GRM3: variants seen among roughly 807,000 people sequenced by gnomAD.
GRM3 encodes glutamate metabotropic receptor 3, also known as metabotropic glutamate receptor 3.
Under a neutral mutation model 70.5 loss-of-function variants are expected in GRM3, and 26 were observed. The ratio of observed to expected loss-of-function variants is 0.37; its 90% confidence interval spans 0.27 to 0.51. The LOEUF is 0.51. Ranked by LOEUF, GRM3 falls within the 20% of genes least tolerant of loss-of-function variation. GRM3 has a pLI of 0.93. For synonymous variants in GRM3, 443 were observed against 434.9 expected (o/e 1.02, Z -0.23); for missense variants, 859 against 1,123.8 (o/e 0.76, Z 3.37).
intron 1 of GRM3, among the ~76,000 whole-genome samples, chr7:86,686,114 G>A (rs1794560674): frequency 6.6e-6 from 1 of 151,960 alleles, no homozygotes; most frequent in Admixed American, 6.6e-5. Context: ...TTAAACCCCT[G>A]GACAAAATAT....
At chr7:86,660,112 A>G (rs1207047101) in intron 1 of GRM3, among the ~76,000 whole-genome samples, 1 of 152,030 alleles carries the variant, frequency 6.6e-6, no homozygotes, top group Non-Finnish European at 1.5e-5. Context: ...TATGTTTACA[A>G]GTTAGAAAGA....
chr7:86,772,571 C>A (rs1796773756), intron 2 of GRM3, among the ~76,000 whole-genome samples: 1 of 152,080 alleles, frequency 6.6e-6, no homozygotes, highest in Admixed American at 6.6e-5. Context: ...AGGCTCAACA[C>A]AACTAGACAG....
intron 5 of GRM3, among the ~76,000 whole-genome samples, chr7:86,858,836 T>C (rs1442393336): frequency 1.3e-5 from 2 of 152,190 alleles, no homozygotes; most frequent in Non-Finnish European, 2.9e-5. Flanking sequence ...GGAAACTAAA[T>C]CTTGGATTTG....
intron 3 of GRM3, among the ~76,000 whole-genome samples, chr7:86,790,950 CA>C (rs1797398531): frequency 6.6e-6 from 1 of 152,034 alleles, no homozygotes; most frequent in Non-Finnish European, 1.5e-5. Context: ...CCCCTTCTGT[CA>C]TACTACATCA....
intron 3 of GRM3, among the ~76,000 whole-genome samples, chr7:86,802,770 T>C (rs75073887): frequency 0.054 from 8,179 of 152,272 alleles, 700 homozygotes; most frequent in African/African-American, 0.18. Flanking sequence ...GAAACCCTTC[T>C]AGGTTTCCAT....
At chr7:86,707,864 A>G (rs1274561496) in intron 1 of GRM3, among the ~76,000 whole-genome samples, 1 of 152,154 alleles carries the variant, frequency 6.6e-6, no homozygotes, top group Non-Finnish European at 1.5e-5. Flanking sequence ...ACGATTATAT[A>G]ATATTTACCA....
chr7:86,700,872 C>T (rs934006524), intron 1 of GRM3, among the ~76,000 whole-genome samples: 4 of 151,858 alleles, frequency 2.6e-5, no homozygotes, highest in South Asian at 2.1e-4. Flanking sequence ...ATTCAACTTA[C>T]GTTAATAGCA....
At chr7:86,704,055 A>G (rs1377184052) in intron 1 of GRM3, among the ~76,000 whole-genome samples, 1 of 151,914 alleles carries the variant, frequency 6.6e-6, no homozygotes, top group Non-Finnish European at 1.5e-5. Context: ...ACCTCAGGTG[A>G]TGATTGAAGT....
intron 3 of GRM3, among the ~76,000 whole-genome samples, chr7:86,822,995 A>G (rs914347991): frequency 2.0e-5 from 3 of 152,296 alleles, no homozygotes; most frequent in African/African-American, 7.2e-5. Context: ...ACTAAATGCA[A>G]CAGGAGAGCC....
intron 2 of GRM3, among the ~76,000 whole-genome samples, chr7:86,767,203 A>G (rs1352461857): frequency 6.6e-6 from 1 of 151,764 alleles, no homozygotes; most frequent in Non-Finnish European, 1.5e-5. Flanking sequence ...ACTGAGCAAG[A>G]CTTCATCTCA....
At chr7:86,649,146 T>C (rs569334935) in intron 1 of GRM3, among the ~76,000 whole-genome samples, 1 of 152,300 alleles carries the variant, frequency 6.6e-6, no homozygotes, top group Admixed American at 6.5e-5. Flanking sequence ...AAATAATTTT[T>C]AAACAAGTAC....
At chr7:86,748,152 C>G (rs1422262818) in intron 1 of GRM3, among the ~76,000 whole-genome samples, 1 of 151,958 alleles carries the variant, frequency 6.6e-6, no homozygotes, top group Admixed American at 6.6e-5. Flanking sequence ...TAATCTTTCA[C>G]CTTTTCACCA....
At chr7:86,680,907 T>A (rs1794426714) in intron 1 of GRM3, among the ~76,000 whole-genome samples, 1 of 152,172 alleles carries the variant, frequency 6.6e-6, no homozygotes, top group Admixed American at 6.6e-5. Context: ...ACCATTCCCC[T>A]TGGCAGCCCA....
rs1212257419 is a variant in GRM3, at chr7:86,644,085, C to A, written c.-928C>A. 1 of 154,598 alleles carries A rather than the reference C, an allele frequency of 6.5e-6. No homozygotes were observed. Among genetic ancestry groups the A allele is most frequent in the African/African-American group, 2.4e-5 (1 of 41,444 alleles). The allele number at this position is 154,598 out of a possible 1,614,324, so 9.6% of individuals were successfully genotyped here. A position where few individuals can be genotyped will look rare whatever the true frequency, so the allele number is the denominator to read the frequency against. ...AGTCCCTGCTTACCTGAAAGCCAAGCGCTCTAGCAGAGCTTTAAAGTTGGA... is the reference window on the plus strand; with the variant it reads ...AGTCCCTGCTTACCTGAAAGCCAAGAGCTCTAGCAGAGCTTTAAAGTTGGA... On this transcript the variant is annotated 5_prime_UTR_variant, in exon 1 of 6. Transcript: ENST00000361669.
intron 1 of GRM3, among the ~76,000 whole-genome samples, chr7:86,650,842 C>T (rs1244948983): frequency 2.0e-5 from 3 of 152,160 alleles, no homozygotes; most frequent in South Asian, 2.1e-4. Context: ...TACAACCTAC[C>T]TACTTCCCAC....
intron 2 of GRM3, chr7:86,775,148 T>G (rs1196784877): frequency 1.3e-5 from 2 of 152,222 alleles, no homozygotes; most frequent in East Asian, 1.9e-4. Context: ...TAAATAAAGT[T>G]TTTGTGTTAT....
intron 1 of GRM3, among the ~76,000 whole-genome samples, chr7:86,736,882 C>T (rs1261468716): frequency 6.6e-6 from 1 of 152,084 alleles, no homozygotes; most frequent in Non-Finnish European, 1.5e-5. Flanking sequence ...CTTTCATAAA[C>T]TAAAATTTGC....
intron 1 of GRM3, among the ~76,000 whole-genome samples, chr7:86,668,139 CTTCATTAT>C (rs1794077135): frequency 6.6e-6 from 1 of 152,062 alleles, no homozygotes; most frequent in East Asian, 1.9e-4. Flanking sequence ...TTTTGTGTAT[CTTCATTAT>C]TTCAATTGTT....
intron 1 of GRM3, among the ~76,000 whole-genome samples, chr7:86,681,713 G>T (rs759620934): frequency 2.0e-5 from 3 of 151,958 alleles, no homozygotes; most frequent in Non-Finnish European, 4.4e-5. Flanking sequence ...GGGTTTTCCT[G>T]GTTTGAACCC....
Sources: gnomAD v4.1 joint callset for allele counts (sites outside exome capture counted in the v4.1 genomes callset) on GRCh38, gnomAD v4.1.1 for gene constraint, MANE v1.5 for transcripts, NCBI Gene and HGNC (gene_info 2026-07-23, HGNC 2026-07-21) for gene names.